ASRGL1: variants seen among roughly 807,000 people sequenced by gnomAD.
The protein encoded by ASRGL1 is isoaspartyl peptidase/L-asparaginase.
A neutral mutation model predicts 22.4 loss-of-function variants in ASRGL1; 16 were observed. That is an observed-to-expected ratio of 0.71 (90% CI 0.48 to 1.08). The LOEUF (loss-of-function observed/expected upper bound fraction) is 1.08. Ranked by LOEUF, ASRGL1 falls within the 50% of genes least tolerant of loss-of-function variation. ASRGL1 has a pLI of 0.00. For synonymous variants in ASRGL1, 165 were observed against 159.3 expected (o/e 1.04, Z -0.27); for missense variants, 412 against 410.1 (o/e 1.00, Z -0.04).
At chr11:62,391,758 C>G (rs901163024) in intron 6 of ASRGL1, 126 bp downstream of exon 6, 1 of 1,240,744 alleles carries the variant, frequency 8.1e-7, no homozygotes, top group Non-Finnish European at 1.1e-6. Context: ...GCTTTCAGGC[C>G]GTTAACACCT....
chr11:62,390,435 C>T (rs544865331), intron 5 of ASRGL1, among the ~76,000 whole-genome samples: 2 of 152,270 alleles, frequency 1.3e-5, no homozygotes, highest in Non-Finnish European at 2.9e-5. Flanking sequence ...ATGCACTTGT[C>T]CTGAGAAGTG....
chr11:62,394,499 C>T (rs1947407601), downstream of ASRGL1, among the ~76,000 whole-genome samples: 1 of 151,366 alleles, frequency 6.6e-6, no homozygotes. Context: ...TGGGAGAGGA[C>T]AGAATTCAGT....
At chr11:62,362,795 C>A (rs1946507724) in intron 4 of ASRGL1, among the ~76,000 whole-genome samples, 1 of 87,256 alleles carries the variant, frequency 1.1e-5, no homozygotes, top group African/African-American at 4.8e-5. Flanking sequence ...CTGGGAGTAT[C>A]TACTTGCTTA....
At chr11:62,375,941 A>G (rs1456243036) in intron 4 of ASRGL1, among the ~76,000 whole-genome samples, 1 of 151,830 alleles carries the variant, frequency 6.6e-6, no homozygotes, top group Non-Finnish European at 1.5e-5. Context: ...GTCTCTACTA[A>G]AAATAGAAAA....
At chr11:62,386,856 G>A (rs1947223683) in intron 4 of ASRGL1, among the ~76,000 whole-genome samples, 1 of 151,718 alleles carries the variant, frequency 6.6e-6, no homozygotes, top group South Asian at 2.1e-4. Context: ...CTTCATTTTA[G>A]CCATTCTACT....
intron 2 of ASRGL1, among the ~76,000 whole-genome samples, chr11:62,339,116 A>AG (rs1366157743): frequency 6.6e-6 from 1 of 152,160 alleles, no homozygotes; most frequent in Non-Finnish European, 1.5e-5. Context: ...TAGAAAAGGA[A>AG]GGGGATTCTC....
intron 2 of ASRGL1, among the ~76,000 whole-genome samples, chr11:62,355,592 T>G (rs1590717224): frequency 1.3e-5 from 2 of 151,586 alleles, no homozygotes; most frequent in African/African-American, 4.8e-5. Flanking sequence ...GGGGGCAAAT[T>G]AGAGGAAAAT....
intron 4 of ASRGL1, among the ~76,000 whole-genome samples, chr11:62,387,144 C>T (rs986264174): frequency 1.3e-5 from 2 of 151,196 alleles, no homozygotes; most frequent in African/African-American, 4.9e-5. Flanking sequence ...CTCAGGTGAT[C>T]AGCCTGCCTC....
chr11:62,363,650 A>T (rs72923219), intron 4 of ASRGL1, among the ~76,000 whole-genome samples: 2 of 152,246 alleles, frequency 1.3e-5, no homozygotes, highest in African/African-American at 4.8e-5. Context: ...ATATAAATCC[A>T]TATAGTATTT....
chr11:62,386,163 A>G (rs149984153), intron 4 of ASRGL1, among the ~76,000 whole-genome samples: 37 of 152,304 alleles, frequency 2.4e-4, no homozygotes, highest in African/African-American at 8.4e-4. Flanking sequence ...CTCCATCTCA[A>G]AAATAAATAA....
At chr11:62,360,840 C>T (rs1233001355) in intron 4 of ASRGL1, among the ~76,000 whole-genome samples, 1 of 151,730 alleles carries the variant, frequency 6.6e-6, no homozygotes, top group African/African-American at 2.4e-5. Flanking sequence ...GGAAAGAGGC[C>T]GAATAAACAA....
chr11:62,391,349 T>C, intron 5 of ASRGL1, 173 bp from the exon 6 acceptor site: 1 of 995,474 alleles, frequency 1.0e-6, no homozygotes, highest in Non-Finnish European at 1.4e-6. Flanking sequence ...TTCTGGGGCA[T>C]CTACATGACG....
At chr11:62,372,433 C>T (rs1946798737) in intron 4 of ASRGL1, 3 of 1,552,270 alleles carry the variant, frequency 1.9e-6, no homozygotes, top group Non-Finnish European at 2.7e-6. Flanking sequence ...CAAAGGAAAC[C>T]TCTATTCCTT....
chr11:62,378,885 T>A (rs1192795157), intron 4 of ASRGL1, among the ~76,000 whole-genome samples: 2 of 152,150 alleles, frequency 1.3e-5, no homozygotes, highest in Non-Finnish European at 2.9e-5. Flanking sequence ...TGGCCACCCC[T>A]AAAAAGGATA....
intron 4 of ASRGL1, among the ~76,000 whole-genome samples, chr11:62,360,387 C>A (rs924975155): frequency 6.7e-6 from 1 of 150,018 alleles, no homozygotes; most frequent in African/African-American, 2.5e-5. Context: ...AAAATACATT[C>A]TCATTTTTTT....
chr11:62,372,562 A>G lies in ASRGL1; in HGVS notation c.491+15418A>G, dbSNP rs1590742441. 12 of 895,234 alleles carry G rather than the reference A, an allele frequency of 1.3e-5. No individual in the cohort carries two copies. In the East Asian group the frequency reaches 1.9e-4, roughly 14 times the overall value. The allele number at this position is 895,234 out of a possible 1,614,324, so 55.5% of individuals were successfully genotyped here. A position where few individuals can be genotyped will look rare whatever the true frequency, so the allele number is the denominator to read the frequency against. On this transcript the variant is annotated intron_variant, in intron 4 of 6. Transcript: ENST00000415229. ...CCAGCGAGTGGCCATCTTCATTGAG[A>G]AGACAAAAGACAGATTCTGCCTGTA...
chr11:62,392,256 A>G lies in ASRGL1; in HGVS notation c.899A>G (p.Asp300Gly). Reference protein sequence around the residue: ...DGKLHFGIDPDDTTITDLP With the variant: ...DGKLHFGIDPGDTTITDLP ...AAGCTGCACTTCGGAATTGATCCTG[A>G]CGATACTACTATCACCGACCTTCCC... is the stretch of plus-strand genomic sequence containing the variant. Residue 300 changes from aspartate (D) to glycine (G), a missense_variant, in exon 7 of 7, where the codon GAC (aspartate) becomes GGC (glycine). Physicochemically the swap from Asp to Gly is moderately conservative, Grantham distance 94. Transcript: ENST00000415229. 1 of 1,614,014 alleles carries G rather than the reference A, an allele frequency of 6.2e-7. No homozygotes were observed. The highest frequency in any genetic ancestry group is 8.5e-7 in the Non-Finnish European group (1 of 1,180,032).
In ASRGL1 at chr11:62,389,244, G is replaced by C. The variant is rs767383304; in HGVS notation, c.603G>C (p.Pro201=). 4 of 1,613,594 alleles carry C rather than the reference G, an allele frequency of 2.5e-6. No individual in the cohort carries two copies. The highest frequency in any genetic ancestry group is 3.4e-6 in the Non-Finnish European group (4 of 1,179,664). Residue 201 remains proline, a synonymous_variant, in exon 5 of 7, where the codon CCG becomes CCC. Coordinates refer to ENST00000415229, the MANE Select transcript of ASRGL1 (RefSeq NM_001083926.2). ...TGGTCGGCCGCGTTGGGGACTCACC[G>C]TGTCTAGGTAGGACCAAGGGATGCC... ...NKMVGRVGDS[P]CLGAGGYADN... is the part of the protein sequence containing the mutation.
At chr11:62,368,588 A>T (rs1946678076) in intron 4 of ASRGL1, among the ~76,000 whole-genome samples, 1 of 152,166 alleles carries the variant, frequency 6.6e-6, no homozygotes, top group Non-Finnish European at 1.5e-5. Flanking sequence ...AGTATAGAAG[A>T]AAAGTGGGCC....
Sources: allele counts gnomAD v4.1 joint callset (sites outside exome capture counted in the v4.1 genomes callset), GRCh38; gene constraint gnomAD v4.1.1; transcripts MANE v1.5; gene names NCBI Gene and HGNC (gene_info 2026-07-23, HGNC 2026-07-21).